LMNTD1: variants seen among roughly 807,000 people sequenced by gnomAD.
LMNTD1 encodes the protein lamin tail domain-containing protein 1.
Under a neutral mutation model 50.9 loss-of-function variants are expected in LMNTD1, and 35 were observed. The ratio of observed to expected loss-of-function variants is 0.69; its 90% CI spans 0.53 to 0.91. The LOEUF (loss-of-function observed/expected upper bound fraction) is 0.91. Ranked by LOEUF, LMNTD1 falls within the 40% of genes least tolerant of loss-of-function variation. The probability of loss-of-function intolerance (pLI) is 0.00; values close to 1 mark genes in which losing one functional copy is unlikely to be tolerated. For synonymous variants in LMNTD1, 153 were observed against 161.9 expected (o/e 0.94, Z 0.42); for missense variants, 470 against 475.5 (o/e 0.99, Z 0.11).
chr12:25,544,940 A>G (rs1353359329), intron 4 of LMNTD1, among the ~76,000 whole-genome samples: 1 of 151,822 alleles, frequency 6.6e-6, no homozygotes, highest in Non-Finnish European at 1.5e-5. Context: ...CTCTTAGCAG[A>G]CTGCTATAGC....
At chr12:25,544,256 G>T (rs542506200) in intron 4 of LMNTD1, among the ~76,000 whole-genome samples, 3 of 151,944 alleles carry the variant, frequency 2.0e-5, no homozygotes, top group South Asian at 4.1e-4. Flanking sequence ...TTGGTGTGGG[G>T]TGTACAGATA....
rs559410644 is a variant in LMNTD1 at position 25,484,501 on chromosome 12, T to C, written c.*23-8041A>G. ...GAATTGACCCAATAGCCATTTCTTT[T>C]TAAATTTATTTTTTTATTATACTTT... On this transcript the variant is annotated intron_variant, in intron 9 of 9. Coordinates refer to ENST00000458174, the MANE Select transcript of LMNTD1 (RefSeq NM_001145728.2). 2.4e-4 allele frequency among the ~76,000 whole-genome samples: 36 copies of C among 152,132 alleles called. 1 individual carries two copies. The highest frequency in any genetic ancestry group is 3.3e-4 in the Admixed American group (5 of 15,290).
chr12:25,512,237 T>C (rs976635694), intron 8 of LMNTD1, among the ~76,000 whole-genome samples: 35 of 152,232 alleles, frequency 2.3e-4, no homozygotes, highest in African/African-American at 8.0e-4. Context: ...TTTTTGAGCT[T>C]CAACAGTTGA....
chr12:25,525,412 AAAAT>A (rs1442587342), intron 6 of LMNTD1, among the ~76,000 whole-genome samples: 6 of 152,168 alleles, frequency 3.9e-5, no homozygotes, highest in Admixed American at 1.3e-4. Context: ...GCATAGCTGT[AAAAT>A]AGAGAAGAGT....
chr12:25,576,272 G>T (rs542933128), intron 1 of LMNTD1, among the ~76,000 whole-genome samples: 3 of 152,134 alleles, frequency 2.0e-5, no homozygotes, highest in African/African-American at 4.8e-5. Flanking sequence ...CCACACTGAC[G>T]TCCACAATGG....
chr12:25,520,200 C>A (rs79744138), intron 6 of LMNTD1, 125 bp from the exon 7 acceptor site: 3,090 of 199,104 alleles, frequency 0.016, 214 homozygotes, highest in African/African-American at 0.071. Context: ...TATGGTGGAG[C>A]AAATTAAGGT....
At chr12:25,525,997 C>G in intron 6 of LMNTD1, 102 bp downstream of exon 6, 1 of 890,022 alleles carries the variant, frequency 1.1e-6, no homozygotes, top group Non-Finnish European at 1.5e-6. Flanking sequence ...CATTTATGCA[C>G]TTAGACACAT....
chr12:25,510,253 T>G (rs75763801), intron 8 of LMNTD1, among the ~76,000 whole-genome samples: 1 of 151,802 alleles, frequency 6.6e-6, no homozygotes, highest in Non-Finnish European at 1.5e-5. Context: ...TTTTTTTTTT[T>G]GTCAGAAAAT....
chr12:25,576,396 G>C (rs987784493), intron 1 of LMNTD1, among the ~76,000 whole-genome samples: 1 of 152,206 alleles, frequency 6.6e-6, no homozygotes, highest in Non-Finnish European at 1.5e-5. Context: ...ACTGGTGTGA[G>C]ATGGTATCTC....
intron 4 of LMNTD1, among the ~76,000 whole-genome samples, chr12:25,539,631 C>T (rs1189659591): frequency 2.0e-5 from 3 of 151,292 alleles, no homozygotes; most frequent in Non-Finnish European, 4.4e-5. Context: ...AGGAAAGATC[C>T]AAAATTGATA....
intron 9 of LMNTD1, among the ~76,000 whole-genome samples, chr12:25,484,025 G>GA (rs1179333142): frequency 6.6e-6 from 1 of 151,674 alleles, no homozygotes; most frequent in South Asian, 2.1e-4. Context: ...AGATGACTGA[G>GA]AAAAAAACAA....
At chr12:25,546,326 G>T in intron 4 of LMNTD1, 48 bp downstream of exon 4, 3 of 1,180,294 alleles carry the variant, frequency 2.5e-6, no homozygotes, top group Non-Finnish European at 3.4e-6. Flanking sequence ...CTGATTTATT[G>T]GTCCTACCCC....
intron 8 of LMNTD1, among the ~76,000 whole-genome samples, chr12:25,504,611 T>C (rs1939614677): frequency 6.6e-6 from 1 of 152,224 alleles, no homozygotes; most frequent in Admixed American, 6.5e-5. Context: ...TCCTCAGTCA[T>C]ACCTAAGCCT....
intron 9 of LMNTD1, among the ~76,000 whole-genome samples, chr12:25,478,243 C>A (rs1029333853): frequency 2.6e-5 from 4 of 152,112 alleles, no homozygotes; most frequent in Non-Finnish European, 5.9e-5. Flanking sequence ...TGAACCCATA[C>A]ACATCTCCTG....
At chr12:25,638,165 A>G (rs1305804829) in intron 1 of LMNTD1, among the ~76,000 whole-genome samples, 1 of 152,146 alleles carries the variant, frequency 6.6e-6, no homozygotes. Context: ...AGACTTAACA[A>G]TCTATGAATA....
intron 1 of LMNTD1, among the ~76,000 whole-genome samples, chr12:25,602,222 C>T (rs1945995692): frequency 6.6e-6 from 1 of 151,842 alleles, no homozygotes; most frequent in Admixed American, 6.6e-5. Flanking sequence ...AATTAGGCAG[C>T]ATAACTCTGG....
chr12:25,546,348 CT>C, intron 4 of LMNTD1, 25 bp downstream of exon 4: 1 of 1,475,426 alleles, frequency 6.8e-7, no homozygotes. Flanking sequence ...ACAGAAGATA[CT>C]AAGTAGTTCA....
chr12:25,519,742 T>C, intron 7 of LMNTD1, 116 bp downstream of exon 7: 1 of 692,444 alleles, frequency 1.4e-6, no homozygotes, highest in Non-Finnish European at 2.5e-6. Flanking sequence ...TTTCCAAAAA[T>C]CACTATTGAT....
chr12:25,646,694 C>T (rs1947079296), intron 1 of LMNTD1, among the ~76,000 whole-genome samples: 1 of 152,182 alleles, frequency 6.6e-6, no homozygotes, highest in Admixed American at 6.5e-5. Context: ...TCACCACCGA[C>T]TGAACAGGTG....
Sources: allele counts gnomAD v4.1 joint callset (sites outside exome capture counted in the v4.1 genomes callset), GRCh38; gene constraint gnomAD v4.1.1; transcripts MANE v1.5; gene names NCBI Gene and HGNC (gene_info 2026-07-23, HGNC 2026-07-21).